Variants in RAPSN observed in about 807,000 individuals in gnomAD.
RAPSN encodes the protein receptor associated protein of the synapse, also known as 43 kDa receptor-associated protein of the synapse.
RAPSN carries 33 observed loss-of-function variants against 45.7 expected under a neutral mutation model. That is an observed-to-expected ratio of 0.72 (90% CI 0.55 to 0.97). RAPSN has a LOEUF of 0.97. Among genes scored for constraint, RAPSN ranks in the 50% least tolerant of loss-of-function variants. RAPSN has a pLI of 0.00. For synonymous variants in RAPSN, 244 were observed against 233.6 expected (o/e 1.04, Z -0.40); for missense variants, 519 against 559.4 (o/e 0.93, Z 0.73).
chr11:47,441,837 G>A lies in RAPSN; in HGVS notation c.775C>T (p.Arg259Cys), dbSNP rs150207592. 47 of 1,306,446 alleles carry A rather than the reference G, an allele frequency of 3.6e-5. No individual in the cohort carries two copies. Among genetic ancestry groups the A allele is most frequent in the African/African-American group, 3.3e-4 (18 of 55,184 alleles). 80.9% of individuals were successfully genotyped at this position (1,306,446 alleles called of 1,614,324 possible). A position where few individuals can be genotyped will look rare whatever the true frequency, so the allele number is the denominator to read the frequency against. Residue 259 changes from arginine (R) to cysteine (C), a missense_variant, in exon 4 of 8, where the codon CGT becomes TGT. Arg to Cys is a radical substitution (Grantham distance 180, BLOSUM62 -3). Coordinates refer to ENST00000298854, the MANE Select transcript of RAPSN (RefSeq NM_005055.5). ...GGTGACCTCACCTCCAGGTCCCCAC[G>A]GCTCCGGTGGATGTCAGCGAAGCAG... Reference protein sequence around the residue: ...LLCFADIHRSRGDLETAFPRY... With the variant: ...LLCFADIHRSCGDLETAFPRY...
At chr11:47,440,702 C>T (rs745385360) in intron 6 of RAPSN, among the ~76,000 whole-genome samples, 5 of 152,196 alleles carry the variant, frequency 3.3e-5, no homozygotes, top group African/African-American at 7.2e-5. Flanking sequence ...AAGCTGGGAT[C>T]GCGCTATTGC....
At chr11:47,444,655 G>A (rs1170582545) in intron 2 of RAPSN, among the ~76,000 whole-genome samples, 8 of 149,120 alleles carry the variant, frequency 5.4e-5, no homozygotes, top group Non-Finnish European at 1.2e-4. Flanking sequence ...TCAGGAGATC[G>A]AGACCATCCT....
intron 5 of RAPSN, 91 bp from the exon 6 acceptor site, chr11:47,441,303 G>A: frequency 6.5e-6 from 10 of 1,527,478 alleles, no homozygotes; most frequent in Non-Finnish European, 8.1e-6. Flanking sequence ...CAGGCCTAGG[G>A]AGGGTGACAT....
rs2076405617 is a variant in RAPSN at position 47,446,239 on chromosome 11, CTG to C, written c.531+1571_531+1572del. Among the ~76,000 whole-genome samples the C allele has an allele frequency of 2.0e-5, 3 of 150,598 alleles. No individual in the cohort carries two copies. The South Asian group carries it at 6.3e-4, about 32-fold the overall frequency. ...TTGCCAAATTAAAAAAAAAAAAAAA[CTG>C]TTTGTAGACGCTGGTCTGGAACTCC... On this transcript the variant is annotated intron_variant, in intron 2 of 7. Coordinates refer to ENST00000298854, the MANE Select transcript of RAPSN (RefSeq NM_005055.5).
intron 2 of RAPSN, among the ~76,000 whole-genome samples, chr11:47,445,615 A>G (rs2076400359): frequency 6.7e-6 from 1 of 149,912 alleles, no homozygotes; most frequent in Non-Finnish European, 1.5e-5. Context: ...AAAAAAAAAA[A>G]GCCAAAAGAA....
chr11:47,449,136 C>A lies in RAPSN; in HGVS notation c.-172G>T. ...TGGAGAGCAGGCGCCACCCTGGGAA[C>A]AAAGCTGGTTCAGCCCGTCTGCAGC... On this transcript the variant is annotated 5_prime_UTR_variant, in exon 1 of 8. Transcript: ENST00000298854. The A allele has an allele frequency of 1.3e-6, 1 of 773,848 alleles. No individual in the cohort carries two copies. The highest frequency in any genetic ancestry group is 2.2e-6 in the Non-Finnish European group (1 of 459,982). The allele number at this position is 773,848 out of a possible 1,614,324, so 47.9% of individuals were successfully genotyped here.
At chr11:47,448,289 C>CTTT in intron 1 of RAPSN, 139 bp from the exon 2 acceptor site, 1 of 914,626 alleles carries the variant, frequency 1.1e-6, no homozygotes. Context: ...CCCAAAGCTT[C>CTTT]TTTTCAGACC....
intron 1 of RAPSN, among the ~76,000 whole-genome samples, 192 bp from the exon 2 acceptor site, chr11:47,448,342 C>T (rs1379753512): frequency 6.6e-6 from 1 of 152,104 alleles, no homozygotes; most frequent in Non-Finnish European, 1.5e-5. Flanking sequence ...CCCTACACCC[C>T]AGCCTCACCT....
intron 2 of RAPSN, among the ~76,000 whole-genome samples, chr11:47,444,109 T>A (rs1031638739): frequency 3.9e-5 from 6 of 152,104 alleles, no homozygotes; most frequent in African/African-American, 1.4e-4. Context: ...AGCTCCAAGT[T>A]AACATGACCA....
intron 2 of RAPSN, among the ~76,000 whole-genome samples, chr11:47,446,911 C>A (rs1173942531): frequency 1.3e-5 from 2 of 152,074 alleles, no homozygotes; most frequent in Non-Finnish European, 2.9e-5. Flanking sequence ...GCCCCTGCCC[C>A]CGCCAAAAAA....
chr11:47,446,268 G>A (rs1429010673), intron 2 of RAPSN, among the ~76,000 whole-genome samples: 1 of 151,664 alleles, frequency 6.6e-6, no homozygotes, highest in East Asian at 1.9e-4. Context: ...TGGAACTCCT[G>A]GTCTTGAGCG....
Position 47,438,860 on chromosome 11 carries a change from C to A in RAPSN, c.1038G>T (p.Arg346=). The A allele has an allele frequency of 6.4e-7, 1 of 1,567,936 alleles. No individual in the cohort carries two copies. The highest frequency in any genetic ancestry group is 1.3e-5 in the African/African-American group (1 of 74,298). Residue 346 remains arginine, a synonymous_variant, in exon 7 of 8, where the codon CGG becomes CGT. Transcript: ENST00000298854. ...YRSKGLQREL[R]AHVVRFHECV... is the part of the protein sequence containing the mutation. ...ACTCGTGGAACCTCACAACGTGCGC[C>A]CGCAGTTCCCGCTGCAGCCCTTTGC... is the stretch of plus-strand genomic sequence containing the variant.
rs1051748757 is a variant in RAPSN at position 47,441,077 on chromosome 11, G to A, written c.966+82C>T. The A allele has an allele frequency of 5.8e-6, 9 of 1,553,044 alleles. No individual in the cohort carries two copies. The African/African-American group carries it at 8.2e-5, about 14-fold the overall frequency. On this transcript the variant is annotated intron_variant, in intron 6 of 7. Coordinates refer to ENST00000298854, the MANE Select transcript of RAPSN (RefSeq NM_005055.5). ...TCAGGAAGGGCTCATGACGTGAGTA[G>A]GCTCAGGAAGGCCCTTCCCCAGACC... is the stretch of plus-strand genomic sequence containing the variant.
rs1202436612 is a variant in RAPSN, at chr11:47,447,854, G to A, written c.489C>T (p.Cys163=). The A allele has an allele frequency of 1.2e-6, 2 of 1,613,226 alleles. No individual in the cohort carries two copies. The highest frequency in any genetic ancestry group is 2.2e-5 in the East Asian group (1 of 44,852). Residue 163 remains cysteine (C), a synonymous_variant, in exon 2 of 8, where the codon TGC becomes TGT. Transcript: ENST00000298854. The stretch of plus-strand genomic sequence containing the variant: ...AGCTGCCCAGGCTGCAGCACACGCG[G>A]CACTCGAGCATGGCGTCATCATTGT... ...AHNNDDAMLE[C]RVCCSLGSFY...
chr11:47,446,338 C>G (rs1029549043), intron 2 of RAPSN, among the ~76,000 whole-genome samples: 41 of 152,180 alleles, frequency 2.7e-4, no homozygotes, highest in Middle Eastern at 6.8e-3. Context: ...CCAGGCCTAG[C>G]TTACTTTTCT....
chr11:47,442,974 G>C (rs1383188102), intron 2 of RAPSN, among the ~76,000 whole-genome samples, 160 bp from the exon 3 acceptor site: 1 of 152,230 alleles, frequency 6.6e-6, no homozygotes, highest in East Asian at 1.9e-4. Context: ...CCGGTAGAGG[G>C]AACAGCCAGT....
intron 2 of RAPSN, among the ~76,000 whole-genome samples, chr11:47,443,147 C>T (rs1359134454): frequency 6.6e-6 from 1 of 152,132 alleles, no homozygotes; most frequent in Non-Finnish European, 1.5e-5. Flanking sequence ...TCTCCCAATG[C>T]CAAATGGGCT....
At position 47,449,004 on chromosome 11, in the gene RAPSN, T is replaced by C. The variant is rs1203009683; in HGVS notation, c.-40A>G. 1.2e-6 allele frequency: 2 copies of C among 1,612,800 alleles called. No individual in the cohort carries two copies. Among genetic ancestry groups the C allele is most frequent in the South Asian group, 2.2e-5 (2 of 91,054 alleles). On this transcript the variant is annotated 5_prime_UTR_variant, in exon 1 of 8. Coordinates refer to ENST00000298854, the MANE Select transcript of RAPSN (RefSeq NM_005055.5). ...GTGTCCCACGTGGGGTGATCCCTGG[T>C]GGCTCCGTGCCTCTAGGCACTCATG...
At chr11:47,440,404 A>T (rs1477293878) in intron 6 of RAPSN, among the ~76,000 whole-genome samples, 1 of 152,204 alleles carries the variant, frequency 6.6e-6, no homozygotes, top group Non-Finnish European at 1.5e-5. Flanking sequence ...CAGCCTCCCA[A>T]GTAGTTGGGA....
Sources: gnomAD v4.1 joint callset for allele counts (sites outside exome capture counted in the v4.1 genomes callset) on GRCh38, gnomAD v4.1.1 for gene constraint, MANE v1.5 for transcripts, NCBI Gene and HGNC (gene_info 2026-07-23, HGNC 2026-07-21) for gene names.